CNOT2: variants seen among roughly 807,000 people sequenced by gnomAD.
The protein encoded by CNOT2 is CCR4-NOT transcription complex subunit 2.
In CNOT2, 7 loss-of-function variants were observed where a neutral mutation model predicts 72.1. That is an observed-to-expected ratio of 0.10 (90% CI 0.06 to 0.18). The LOEUF is 0.18. Among genes scored for constraint, CNOT2 ranks in the 10% least tolerant of loss-of-function variants. The pLI is 1.00. For missense variants in CNOT2, 345 were observed against 660.3 expected (o/e 0.52, Z 5.23); for synonymous variants, 196 against 225.6 (o/e 0.87, Z 1.17).
intron 1 of CNOT2, 109 bp from the exon 2 acceptor site, chr12:70,278,023 C>T: frequency 2.1e-6 from 1 of 487,238 alleles, no homozygotes; most frequent in Non-Finnish European, 3.7e-6. Flanking sequence ...GAGTATAGAA[C>T]AATTACTTTT....
intron 2 of CNOT2, among the ~76,000 whole-genome samples, chr12:70,301,416 A>T (rs1873946165): frequency 6.6e-6 from 1 of 152,190 alleles, no homozygotes; most frequent in Admixed American, 6.5e-5. Flanking sequence ...ATTTATTGAG[A>T]GTTTTTAGCA....
chr12:70,294,407 G>C, intron 2 of CNOT2: 1 of 526,478 alleles, frequency 1.9e-6, no homozygotes, highest in South Asian at 2.3e-5. Flanking sequence ...GAAATATAAT[G>C]TTTGTTATCA....
At chr12:70,260,929 G>C (rs1162056735) in intron 1 of CNOT2, among the ~76,000 whole-genome samples, 1 of 150,152 alleles carries the variant, frequency 6.7e-6, no homozygotes, top group East Asian at 2.0e-4. Flanking sequence ...ATTCTGTTTA[G>C]TGGACAACCT....
At chr12:70,313,252 T>G (rs1876777528) in intron 3 of CNOT2, among the ~76,000 whole-genome samples, 1 of 152,046 alleles carries the variant, frequency 6.6e-6, no homozygotes, top group Non-Finnish European at 1.5e-5. Flanking sequence ...AGATCTTAAG[T>G]CTTACTAGTT....
In CNOT2 at chr12:70,283,902, C is replaced by T. The variant is rs188053078; in HGVS notation, c.48+5628C>T. On this transcript the variant is annotated intron_variant, in intron 2 of 15. Transcript: ENST00000229195. ...CATGTCATGATCACATGATCAGCAA[C>T]GGAAGTCACTTTGACTTCATGATGT... 1.0e-2 allele frequency among the ~76,000 whole-genome samples: 1,492 copies of T among 149,532 alleles called. 13 individuals carry two copies. Among genetic ancestry groups the T allele is most frequent in the Non-Finnish European group, 0.014 (970 of 67,686 alleles).
At chr12:70,310,670 T>C (rs906319678) in intron 2 of CNOT2, among the ~76,000 whole-genome samples, 1 of 152,098 alleles carries the variant, frequency 6.6e-6, no homozygotes, top group African/African-American at 2.4e-5. Flanking sequence ...ATTGTTAAGA[T>C]AGGCTTTATG....
chr12:70,294,101 T>G, intron 2 of CNOT2: 1 of 1,285,788 alleles, frequency 7.8e-7, no homozygotes. Flanking sequence ...TATCATGTTC[T>G]GGTTGGACTT....
intron 1 of CNOT2, among the ~76,000 whole-genome samples, chr12:70,260,090 A>T (rs2135732874): frequency 6.6e-6 from 1 of 152,278 alleles, no homozygotes; most frequent in Admixed American, 6.5e-5. Context: ...AATTTTTGAG[A>T]ATCCTCCAAC....
chr12:70,299,275 A>G (rs2135903823), intron 2 of CNOT2, among the ~76,000 whole-genome samples: 1 of 152,152 alleles, frequency 6.6e-6, no homozygotes, highest in Admixed American at 6.5e-5. Context: ...CACAACGTGC[A>G]GGTTTGTTAC....
intron 15 of CNOT2, among the ~76,000 whole-genome samples, chr12:70,353,112 A>G (rs188033220): frequency 1.2e-4 from 17 of 146,096 alleles, no homozygotes; most frequent in African/African-American, 3.8e-4. Flanking sequence ...TTGCTTTGTC[A>G]TCTGGGCTGG....
At chr12:70,307,337 T>G (rs1285313077) in intron 2 of CNOT2, among the ~76,000 whole-genome samples, 1 of 152,232 alleles carries the variant, frequency 6.6e-6, no homozygotes. Flanking sequence ...TTTCTTCCCT[T>G]ATATTCATAC....
rs1958455362 is a variant in CNOT2, at chr12:70,256,596, A to G, written c.-96+13116A>G. Reference sequence around the variant, plus strand: ...AGACCTGTGGGTAAAAAAAAAAAAAAAAAAAAAGTGGTAATAGCATATACT... The same window carrying G: ...AGACCTGTGGGTAAAAAAAAAAAAAGAAAAAAAGTGGTAATAGCATATACT... On this transcript the variant is annotated intron_variant, in intron 1 of 15. Transcript: ENST00000229195. 2.6e-5 allele frequency among the ~76,000 whole-genome samples: 4 copies of G among 151,530 alleles called. No individual in the cohort carries two copies. In the South Asian group the frequency reaches 8.3e-4, roughly 31 times the overall value.
intron 1 of CNOT2, among the ~76,000 whole-genome samples, chr12:70,252,555 G>T (rs7969822): frequency 1.3e-5 from 2 of 152,004 alleles, no homozygotes; most frequent in African/African-American, 4.8e-5. Flanking sequence ...AGCTGCCCAC[G>T]TAGCCTGATT....
At chr12:70,337,834 T>C in intron 9 of CNOT2, 1 of 453,146 alleles carries the variant, frequency 2.2e-6, no homozygotes, top group Non-Finnish European at 4.3e-6. Context: ...AGTTTTCTCC[T>C]TGAAGAATTT....
intron 11 of CNOT2, among the ~76,000 whole-genome samples, chr12:70,339,066 A>ATGTGTGTGTGTG (rs1358955412): frequency 4.6e-3 from 615 of 134,548 alleles, no homozygotes; most frequent in African/African-American, 0.017. Flanking sequence ...GCATGTATAT[A>ATGTGTGTGTGTG]TGTGTGTGTG....
At chr12:70,283,658 A>AAG (rs1870308382) in intron 2 of CNOT2, among the ~76,000 whole-genome samples, 1 of 138,674 alleles carries the variant, frequency 7.2e-6, no homozygotes, top group Admixed American at 7.9e-5. Context: ...AAAAAAAAAA[A>AAG]AAAAAAAAAG....
At chr12:70,260,853 A>G (rs1485036441) in intron 1 of CNOT2, among the ~76,000 whole-genome samples, 1 of 135,722 alleles carries the variant, frequency 7.4e-6, no homozygotes, top group Non-Finnish European at 1.6e-5. Flanking sequence ...GATGCATTCT[A>G]TTTTTTTTTT....
At chr12:70,278,022 A>G in intron 1 of CNOT2, 110 bp from the exon 2 acceptor site, 1 of 489,644 alleles carries the variant, frequency 2.0e-6, no homozygotes, top group Non-Finnish European at 3.6e-6. Flanking sequence ...AGAGTATAGA[A>G]CAATTACTTT....
At chr12:70,348,739 A>G (rs1882512249) in intron 15 of CNOT2, among the ~76,000 whole-genome samples, 1 of 152,110 alleles carries the variant, frequency 6.6e-6, no homozygotes, top group Non-Finnish European at 1.5e-5. Context: ...TTTAGAAAAC[A>G]ATGTTAACAT....
Sources: allele counts gnomAD v4.1 joint callset (sites outside exome capture counted in the v4.1 genomes callset), GRCh38; gene constraint gnomAD v4.1.1; transcripts MANE v1.5; gene names NCBI Gene and HGNC (gene_info 2026-07-23, HGNC 2026-07-21).